Variants in TMEM183A observed in about 807,000 individuals in gnomAD.
TMEM183A encodes the protein chromosome 1 open reading frame 37.
Under a neutral mutation model 46.7 loss-of-function variants are expected in TMEM183A, and 21 were observed. The ratio of observed to expected loss-of-function variants is 0.45; its 90% CI spans 0.32 to 0.65. The LOEUF (loss-of-function observed/expected upper bound fraction) is 0.65. TMEM183A is among the 30% of genes least tolerant of loss of function. The pLI is 0.04. For missense variants in TMEM183A, 331 were observed against 481.9 expected, an observed-to-expected ratio of 0.69 and a Z score of 2.93; for synonymous variants, 165 against 180.2, an observed-to-expected ratio of 0.92 and a Z score of 0.68.
chr1:203,018,596 CT>C, intron 6 of TMEM183A, 35 bp downstream of exon 6: 1 of 1,597,242 alleles, frequency 6.3e-7, no homozygotes, highest in Non-Finnish European at 8.6e-7. Flanking sequence ...CAGATAATAC[CT>C]TGTTCTAAGA....
rs1656071315 is a variant in TMEM183A, at chr1:203,007,590, A to T, written c.109+16A>T. ...TCCGGCCGAGGTGGGCGAGGGGGGCAGGGGCGCTGAAACATTTTGGGGGCT... is the reference window on the plus strand; with the variant it reads ...TCCGGCCGAGGTGGGCGAGGGGGGCTGGGGCGCTGAAACATTTTGGGGGCT... On this transcript the variant is annotated intron_variant, in intron 1 of 7. Coordinates refer to ENST00000367242, the MANE Select transcript of TMEM183A (RefSeq NM_138391.6). 2 of 1,540,672 alleles carry T rather than the reference A, an allele frequency of 1.3e-6. No individual in the cohort carries two copies. Among genetic ancestry groups the T allele is most frequent in the Non-Finnish European group, 1.7e-6 (2 of 1,147,512 alleles).
At chr1:203,021,258 C>T (rs1315365536) in intron 7 of TMEM183A, among the ~76,000 whole-genome samples, 1 of 152,122 alleles carries the variant, frequency 6.6e-6, no homozygotes, top group Admixed American at 6.5e-5. Flanking sequence ...TCTCAGACTC[C>T]TAGCCTCAAG....
In TMEM183A at chr1:203,024,559, A is replaced by T. The variant is rs1658015869; in HGVS notation, c.*1519A>T. On this transcript the variant is annotated 3_prime_UTR_variant, in exon 8 of 8. Transcript: ENST00000367242. ...TGCTTAATTTTGCTGCTAACAGCTAACCTTATCCCACGTTGAGGGTGGTAT... is the reference window on the plus strand; with the variant it reads ...TGCTTAATTTTGCTGCTAACAGCTATCCTTATCCCACGTTGAGGGTGGTAT... The T allele has an allele frequency of 6.6e-6, 1 of 151,860 alleles. No homozygotes were observed. Among genetic ancestry groups the T allele is most frequent in the Non-Finnish European group, 1.5e-5 (1 of 68,002 alleles). 9.4% of individuals were successfully genotyped at this position (151,860 alleles called of 1,614,324 possible). A position where few individuals can be genotyped will look rare whatever the true frequency, so the allele number is the denominator to read the frequency against.
At chr1:203,021,073 TCAGGC>T in intron 7 of TMEM183A, 125 bp downstream of exon 7, 1 of 1,109,244 alleles carries the variant, frequency 9.0e-7, no homozygotes. Flanking sequence ...ACTCTGTCAC[TCAGGC>T]TGAAGTGCAG....
rs1311405731 is a variant in TMEM183A at position 203,008,484 on chromosome 1, C to G, written c.200-159C>G. ...TTTTTTTTTTTTTGTATTTAAAATA[C>G]TAAAATCTTTATTTTTTTTGGTGAC... is the stretch of plus-strand genomic sequence containing the variant. On this transcript the variant is annotated intron_variant, in intron 2 of 7. Coordinates refer to ENST00000367242, the MANE Select transcript of TMEM183A (RefSeq NM_138391.6). 4.8e-5 allele frequency among the ~76,000 whole-genome samples: 6 copies of G among 125,898 alleles called. No individual in the cohort carries two copies. In the Admixed American group the frequency reaches 4.9e-4, roughly 10 times the overall value. 82.6% of individuals were successfully genotyped at this position (125,898 alleles called of 152,430 possible). A position where few individuals can be genotyped will look rare whatever the true frequency, so the allele number is the denominator to read the frequency against.
At chr1:203,015,142 A>G (rs1233211235) in intron 4 of TMEM183A, 94 bp downstream of exon 4, 2 of 1,530,418 alleles carry the variant, frequency 1.3e-6, no homozygotes, top group African/African-American at 2.7e-5. Context: ...ACCTCTTTTC[A>G]CTTTCTCTAC....
chr1:203,016,230 A>G (rs771129750), intron 5 of TMEM183A, 90 bp downstream of exon 5: 1 of 1,577,300 alleles, frequency 6.3e-7, no homozygotes, highest in Non-Finnish European at 8.6e-7. Context: ...CTTGATGGGG[A>G]GGGGTGTAGG....
intron 6 of TMEM183A, among the ~76,000 whole-genome samples, chr1:203,019,422 A>G (rs1657458869): frequency 6.6e-6 from 1 of 152,212 alleles, no homozygotes; most frequent in East Asian, 1.9e-4. Flanking sequence ...AGAATGTGCT[A>G]TGGATAAGAT....
At chr1:203,009,513 G>C (rs1355402657) in intron 3 of TMEM183A, among the ~76,000 whole-genome samples, 1 of 152,084 alleles carries the variant, frequency 6.6e-6, no homozygotes, top group Non-Finnish European at 1.5e-5. Context: ...ACAGGGTTTT[G>C]GTCTCTTGCC....
intron 4 of TMEM183A, 103 bp downstream of exon 4, chr1:203,015,151 A>G (rs981845479): frequency 6.0e-6 from 9 of 1,506,402 alleles, no homozygotes; most frequent in African/African-American, 5.6e-5. Flanking sequence ...CACTTTCTCT[A>G]CTCCATGTCT....
chr1:203,023,148 C>T lies in TMEM183A; in HGVS notation c.*108C>T. On this transcript the variant is annotated 3_prime_UTR_variant, in exon 8 of 8. Coordinates refer to ENST00000367242, the MANE Select transcript of TMEM183A (RefSeq NM_138391.6). ...GTATATCTCGTTAGTAATGTACATG[C>T]TCTTCAGGTTCTAGGGCTCCTGTTA... 6.9e-6 allele frequency: 4 copies of T among 581,744 alleles called. No individual in the cohort carries two copies. Among genetic ancestry groups the T allele is most frequent in the Non-Finnish European group, 1.2e-5 (4 of 342,970 alleles). The allele number at this position is 581,744 out of a possible 1,614,324, so 36.0% of individuals were successfully genotyped here.
intron 3 of TMEM183A, among the ~76,000 whole-genome samples, chr1:203,010,145 A>AG (rs1553248997): frequency 6.6e-6 from 1 of 151,860 alleles, no homozygotes; most frequent in Non-Finnish European, 1.5e-5. Context: ...TCTCAAAAAA[A>AG]AAAAGAAAAA....
rs1657929730 is a variant in TMEM183A, at chr1:203,023,676, A to G, written c.*636A>G. 1 of 152,748 alleles carries G rather than the reference A, an allele frequency of 6.5e-6. No individual in the cohort carries two copies. Among genetic ancestry groups the G allele is most frequent in the Non-Finnish European group, 1.5e-5 (1 of 68,154 alleles). The allele number at this position is 152,748 out of a possible 1,614,324, so 9.5% of individuals were successfully genotyped here. ...GTGATGATGACTTTATACCCTTGGT[A>G]CTATACTAGGAACTTTACATAGTAT... On this transcript the variant is annotated 3_prime_UTR_variant, in exon 8 of 8. Transcript: ENST00000367242.
In TMEM183A at chr1:203,013,469, G is replaced by A. The variant is rs1656866095; in HGVS notation, c.368-1420G>A. Among the ~76,000 whole-genome samples the A allele has an allele frequency of 6.6e-6, 1 of 151,892 alleles. No homozygotes were observed. Among genetic ancestry groups the A allele is most frequent in the Non-Finnish European group, 1.5e-5 (1 of 67,988 alleles). On this transcript the variant is annotated intron_variant, in intron 3 of 7. Transcript: ENST00000367242. This position sits in a 1 kb window ranked among gnomAD's most constrained non-coding sequence, Gnocchi z 4.0. ...AAGAGAATTAATGCTAATGAGTTCT[G>A]GAGAATTAATGCTAATGAGTTCTGA...
rs1657383914 is a variant in TMEM183A, at chr1:203,018,561, G to A, written c.789G>A (p.Gln263=). The change falls in exon 6 of 8, where the codon CAG becomes CAA. Residue 263 remains glutamine, a splice_region_variant and synonymous_variant. Coordinates refer to ENST00000367242, the MANE Select transcript of TMEM183A (RefSeq NM_138391.6). ...AATTCAACTTCAAGTTCAAAAAACA[G>A]GTACGTGGTCTTCTCTTTGTTTTTC... ...MWEFNFKFKK[Q]SPRLKSKCTG... 6.2e-7 allele frequency: 1 copy of A among 1,613,244 alleles called. No individual in the cohort carries two copies.
rs1373661002 is a variant in TMEM183A at position 203,024,506 on chromosome 1, T to C, written c.*1466T>C. ...TTTTTGTTTTTTTTTTTTTACCATC[T>C]TCCCTAGGAATATTCCTAGAAAGCA... On this transcript the variant is annotated 3_prime_UTR_variant, in exon 8 of 8. Coordinates refer to ENST00000367242, the MANE Select transcript of TMEM183A (RefSeq NM_138391.6). 6.7e-6 allele frequency: 1 copy of C among 149,858 alleles called. No individual in the cohort carries two copies. Among genetic ancestry groups the C allele is most frequent in the Non-Finnish European group, 1.5e-5 (1 of 67,818 alleles). The allele number at this position is 149,858 out of a possible 1,614,324, so 9.3% of individuals were successfully genotyped here.
chr1:203,012,834 A>T (rs1341998719), intron 3 of TMEM183A, among the ~76,000 whole-genome samples: 1 of 152,074 alleles, frequency 6.6e-6, no homozygotes, highest in African/African-American at 2.4e-5. Flanking sequence ...GGCTTGATTG[A>T]TCCTTGCACC....
intron 4 of TMEM183A, chr1:203,015,384 T>C (rs1031032006): frequency 3.1e-6 from 1 of 320,040 alleles, no homozygotes; most frequent in African/African-American, 2.2e-5. Flanking sequence ...TATCTGCTCA[T>C]CTTTCCAGCT....
intron 5 of TMEM183A, among the ~76,000 whole-genome samples, 155 bp from the exon 6 acceptor site, chr1:203,018,326 G>A (rs1275342446): frequency 1.3e-5 from 2 of 152,170 alleles, no homozygotes; most frequent in African/African-American, 2.4e-5. Flanking sequence ...CAACTTGGGG[G>A]TCTATCTGTG....
Sources: allele counts gnomAD v4.1 joint callset (sites outside exome capture counted in the v4.1 genomes callset), GRCh38; gene constraint gnomAD v4.1.1; non-coding constraint Gnocchi (gnomAD v3.1); transcripts MANE v1.5; gene names NCBI Gene and HGNC (gene_info 2026-07-23, HGNC 2026-07-21).